IGSF21: variants seen among roughly 807,000 people sequenced by gnomAD.
The protein encoded by IGSF21 is immunoglobin superfamily member 21.
IGSF21 carries 28 observed loss-of-function variants against 46.8 expected under a neutral mutation model. That is an observed-to-expected ratio of 0.60 (90% CI 0.44 to 0.82). The LOEUF is 0.82. IGSF21 is among the 40% of genes least tolerant of loss of function. The pLI, the probability that IGSF21 is intolerant of heterozygous loss-of-function variation, is 0.00. For missense variants in IGSF21, 624 were observed against 665.5 expected, an observed-to-expected ratio of 0.94 and a Z score of 0.69; for synonymous variants, 284 against 273.6, an observed-to-expected ratio of 1.04 and a Z score of -0.38.
At chr1:18,287,816 C>T (rs2085230179) in intron 2 of IGSF21, among the ~76,000 whole-genome samples, 1 of 152,214 alleles carries the variant, frequency 6.6e-6, no homozygotes, top group Admixed American at 6.5e-5. Context: ...ACAACCCAGC[C>T]TTCTGGCACC....
intron 2 of IGSF21, among the ~76,000 whole-genome samples, chr1:18,275,357 C>T (rs1050085480): frequency 6.6e-6 from 1 of 152,148 alleles, no homozygotes; most frequent in African/African-American, 2.4e-5. Flanking sequence ...GATCTACTCC[C>T]CAAGCCAAGG....
intron 1 of IGSF21, among the ~76,000 whole-genome samples, chr1:18,199,200 G>A (rs1280517082): frequency 6.6e-6 from 1 of 152,038 alleles, no homozygotes; most frequent in East Asian, 1.9e-4. Context: ...GTGGGTTGGG[G>A]CCCCTGCACC....
intron 3 of IGSF21, among the ~76,000 whole-genome samples, chr1:18,297,674 C>T (rs1167624259): frequency 6.6e-6 from 1 of 152,194 alleles, no homozygotes; most frequent in Non-Finnish European, 1.5e-5. Flanking sequence ...AATGGCACAG[C>T]ATCTGCACAT....
At chr1:18,242,593 G>A (rs563736304) in intron 2 of IGSF21, among the ~76,000 whole-genome samples, 42 of 152,262 alleles carry the variant, frequency 2.8e-4, no homozygotes, top group Admixed American at 9.8e-4. Context: ...AATTATATGG[G>A]AGCAGGTGCT....
At chr1:18,339,210 G>T (rs1202433020) in intron 4 of IGSF21, among the ~76,000 whole-genome samples, 1 of 152,166 alleles carries the variant, frequency 6.6e-6, no homozygotes, top group Non-Finnish European at 1.5e-5. Context: ...GAGTTTAAGG[G>T]GTACATCCAC....
At chr1:18,210,852 A>G (rs1262798388) in intron 1 of IGSF21, among the ~76,000 whole-genome samples, 1 of 151,928 alleles carries the variant, frequency 6.6e-6, no homozygotes, top group Non-Finnish European at 1.5e-5. Context: ...GCTTTCTTGA[A>G]CCATCTCTTT....
intron 1 of IGSF21, among the ~76,000 whole-genome samples, chr1:18,164,257 G>A (rs2086656631): frequency 1.3e-5 from 2 of 151,952 alleles, no homozygotes; most frequent in South Asian, 4.2e-4. Context: ...CTGACTCCAG[G>A]GCACAAGTTT....
intron 6 of IGSF21, among the ~76,000 whole-genome samples, chr1:18,368,797 C>A (rs75138832): frequency 0.022 from 3,327 of 152,274 alleles, 112 homozygotes; most frequent in African/African-American, 0.074. Context: ...GGCACCCTTG[C>A]CCCACCCCAC....
chr1:18,209,117 T>C (rs1364056101), intron 1 of IGSF21, among the ~76,000 whole-genome samples: 1 of 152,144 alleles, frequency 6.6e-6, no homozygotes, highest in Non-Finnish European at 1.5e-5. Context: ...ATGCATCGAG[T>C]TGCTCGCTTG....
chr1:18,279,895 C>T (rs1462675058), intron 2 of IGSF21, among the ~76,000 whole-genome samples: 2 of 152,246 alleles, frequency 1.3e-5, no homozygotes, highest in Non-Finnish European at 2.9e-5. Flanking sequence ...GCCGATCATG[C>T]TGACACAGGC....
At chr1:18,209,273 G>T (rs557868593) in intron 1 of IGSF21, among the ~76,000 whole-genome samples, 1 of 152,252 alleles carries the variant, frequency 6.6e-6, no homozygotes, top group East Asian at 1.9e-4. Flanking sequence ...TATGATTCCT[G>T]CTTAATAGAT....
At chr1:18,303,403 A>G (rs919205026) in intron 3 of IGSF21, among the ~76,000 whole-genome samples, 11 of 152,096 alleles carry the variant, frequency 7.2e-5, no homozygotes, top group African/African-American at 2.7e-4. Context: ...CAGCCTCCCC[A>G]GCTGAGGAGG....
chr1:18,272,293 G>C (rs1045608739), intron 2 of IGSF21, among the ~76,000 whole-genome samples: 9 of 141,826 alleles, frequency 6.3e-5, no homozygotes, highest in African/African-American at 2.3e-4. Flanking sequence ...AGAAGTATGA[G>C]AGCTACAATT....
intron 2 of IGSF21, among the ~76,000 whole-genome samples, chr1:18,282,334 C>G (rs1213194262): frequency 2.0e-5 from 3 of 152,192 alleles, no homozygotes; most frequent in Non-Finnish European, 2.9e-5. Context: ...CACCCCCACT[C>G]TGGCCCAGGT....
At chr1:18,377,799 G>A (rs11582444) in intron 9 of IGSF21, among the ~76,000 whole-genome samples, 3,501 of 152,196 alleles carry the variant, frequency 0.023, 128 homozygotes, top group African/African-American at 0.079. Context: ...GTCCAGCCTC[G>A]ACCGTGGGGC....
At chr1:18,269,740 C>T (rs1464082380) in intron 2 of IGSF21, among the ~76,000 whole-genome samples, 1 of 152,166 alleles carries the variant, frequency 6.6e-6, no homozygotes, top group Non-Finnish European at 1.5e-5. Flanking sequence ...CAAGGTGAGC[C>T]CTTTCTTGCT....
In IGSF21 at chr1:18,335,135, C is replaced by G; in HGVS notation, c.424+125C>G. On this transcript the variant is annotated intron_variant, in intron 4 of 9. Coordinates refer to ENST00000251296, the MANE Select transcript of IGSF21 (RefSeq NM_032880.5). The surrounding 1 kb of genome is among the most constrained non-coding windows in gnomAD (Gnocchi z 4.8). ...ACCAGAAGTTCTGTTGTGCTGGTGT[C>G]TTCCCTTTCCTGCTCTTGTTGTGGA... The G allele has an allele frequency of 1.4e-6, 1 of 724,396 alleles. No individual in the cohort carries two copies. The highest frequency in any genetic ancestry group is 2.4e-6 in the Non-Finnish European group (1 of 419,532). The allele number at this position is 724,396 out of a possible 1,614,324, so 44.9% of individuals were successfully genotyped here. A position where few individuals can be genotyped will look rare whatever the true frequency, so the allele number is the denominator to read the frequency against.
chr1:18,230,752 T>C (rs1486329909), intron 2 of IGSF21, among the ~76,000 whole-genome samples: 1 of 152,070 alleles, frequency 6.6e-6, no homozygotes, highest in African/African-American at 2.4e-5. Flanking sequence ...GATAAGAGCC[T>C]ACCAAGATGG....
intron 1 of IGSF21, among the ~76,000 whole-genome samples, chr1:18,167,447 C>G (rs2086690361): frequency 6.6e-6 from 1 of 152,146 alleles, no homozygotes; most frequent in Non-Finnish European, 1.5e-5. Flanking sequence ...AGCTTAGAAC[C>G]TGGGGAGCCT....
Sources: allele counts gnomAD v4.1 joint callset (sites outside exome capture counted in the v4.1 genomes callset), GRCh38; gene constraint gnomAD v4.1.1; non-coding constraint Gnocchi (gnomAD v3.1); transcripts MANE v1.5; gene names NCBI Gene and HGNC (gene_info 2026-07-23, HGNC 2026-07-21).